NCOA2: variants seen among roughly 807,000 people sequenced by gnomAD.
NCOA2 encodes the protein class E basic helix-loop-helix protein 75.
A neutral mutation model predicts 145.1 loss-of-function variants in NCOA2; 21 were observed. The observed-to-expected ratio is 0.14, with a 90% CI of 0.10 to 0.21. NCOA2 has a LOEUF of 0.21. NCOA2 is among the 10% of genes least tolerant of loss of function. The pLI, the probability that NCOA2 is intolerant of heterozygous loss-of-function variation, is 1.00. For missense variants in NCOA2, 1,472 were observed against 1,837.6 expected (o/e 0.80, Z 3.64); for synonymous variants, 619 against 637.5 (o/e 0.97, Z 0.44).
intron 2 of NCOA2, among the ~76,000 whole-genome samples, chr8:70,265,495 G>GA (rs1824493846): frequency 6.6e-6 from 1 of 152,198 alleles, no homozygotes; most frequent in African/African-American, 2.4e-5. Flanking sequence ...CAGATTAAGT[G>GA]AATGACATAG....
intron 4 of NCOA2, among the ~76,000 whole-genome samples, chr8:70,208,966 A>G (rs1269795601): frequency 6.6e-6 from 1 of 152,262 alleles, no homozygotes; most frequent in African/African-American, 2.4e-5. Flanking sequence ...GTAAGGGTGT[A>G]TCTGCCACAG....
rs745812570 is a variant in NCOA2 at position 70,156,095 on chromosome 8, A to T, written c.2270T>A (p.Ile757Asn). Reference protein sequence around the residue: ...YLLDKDDTKDIGLPEITPKLE... With the variant: ...YLLDKDDTKDNGLPEITPKLE... ...TTTGGGGGTTATTTCTGGTAAACCA[A>T]TATCTTTAGTATCATCTTTATCTAG... The change falls in exon 11 of 23, where the codon ATT (isoleucine) becomes AAT (asparagine). Residue 757 changes from isoleucine to asparagine, a missense_variant. Physicochemically the swap from Ile to Asn is moderately radical, Grantham distance 149 (BLOSUM62 -3). Around this residue, in one of 4 missense-constraint regions of NCOA2, gnomAD observed 953 missense variants for 1,062.1 expected, o/e 0.90. Transcript: ENST00000452400. The T allele has an allele frequency of 6.2e-7, 1 of 1,613,964 alleles. No homozygotes were observed. The highest frequency in any genetic ancestry group is 1.7e-5 in the Admixed American group (1 of 60,016).
In NCOA2 at chr8:70,306,989, C is replaced by T. The variant is rs150665235; in HGVS notation, c.-76-10189G>A. Among the ~76,000 whole-genome samples the T allele has an allele frequency of 5.0e-3, 756 of 152,158 alleles. 2 individuals are homozygous for T. Among genetic ancestry groups the T allele is most frequent in the Non-Finnish European group, 8.8e-3 (597 of 67,978 alleles). On this transcript the variant is annotated intron_variant, in intron 1 of 22. Transcript: ENST00000452400. ...ATCCAGGTCGTTCTGAATTCAAGGC[C>T]TCCACTCTCCCAGGTTGCTTCTATT...
At chr8:70,336,294 C>T (rs529889736) in intron 1 of NCOA2, among the ~76,000 whole-genome samples, 2 of 152,232 alleles carry the variant, frequency 1.3e-5, no homozygotes, top group East Asian at 1.9e-4. Flanking sequence ...TATGATCTGT[C>T]GCTGACTGAA....
In NCOA2 at chr8:70,395,042, A is replaced by G. The variant is rs1813530609; in HGVS notation, c.-77+8658T>C. Among the ~76,000 whole-genome samples the G allele has an allele frequency of 2.6e-5, 4 of 152,228 alleles. No individual in the cohort carries two copies. The South Asian group carries it at 8.3e-4, about 32-fold the overall frequency. ...GGGAAACTGTAGATCATGATCAGAC[A>G]TGATCTACATACATGAAATCCTTAA... is the stretch of plus-strand genomic sequence containing the variant. On this transcript the variant is annotated intron_variant, in intron 1 of 22. Transcript: ENST00000452400.
the NCOA2 span, among the ~76,000 whole-genome samples, chr8:70,410,799 C>T: frequency 1.3e-5 from 2 of 152,146 alleles, no homozygotes; most frequent in Non-Finnish European, 2.9e-5. Flanking sequence ...CAAAAGTAGT[C>T]GTACGGGTGC....
intron 4 of NCOA2, among the ~76,000 whole-genome samples, chr8:70,178,886 C>G (rs1815161004): frequency 6.6e-6 from 1 of 152,150 alleles, no homozygotes; most frequent in African/African-American, 2.4e-5. Context: ...ACTGGCGAAA[C>G]ATTGATCTAA....
intron 1 of NCOA2, among the ~76,000 whole-genome samples, chr8:70,339,197 G>T (rs1807901807): frequency 6.6e-6 from 1 of 152,090 alleles, no homozygotes; most frequent in African/African-American, 2.4e-5. Flanking sequence ...CATAGTCTCA[G>T]CCCGAAAGCT....
intron 1 of NCOA2, chr8:70,402,517 G>A (rs944218757): frequency 1.3e-5 from 2 of 152,282 alleles, no homozygotes; most frequent in African/African-American, 4.8e-5. Context: ...TCTCGGAAGA[G>A]GCGCCTCTGG....
chr8:70,456,066 C>T, the NCOA2 span, among the ~76,000 whole-genome samples: 1 of 148,200 alleles, frequency 6.7e-6, no homozygotes. Flanking sequence ...ACCATTGTAA[C>T]ATTGCGTAGC....
At chr8:70,449,884 A>G in the NCOA2 span, among the ~76,000 whole-genome samples, 1 of 152,256 alleles carries the variant, frequency 6.6e-6, no homozygotes, top group Admixed American at 6.5e-5. Flanking sequence ...GCAAGTACAA[A>G]TTAAGGGCTA....
At chr8:70,191,054 G>T (rs1165379933) in intron 4 of NCOA2, among the ~76,000 whole-genome samples, 1 of 151,994 alleles carries the variant, frequency 6.6e-6, no homozygotes, top group Non-Finnish European at 1.5e-5. Flanking sequence ...ATCTGATACT[G>T]CAGGTCTTTA....
chr8:70,226,168 T>C (rs1328560892), intron 2 of NCOA2, among the ~76,000 whole-genome samples: 1 of 152,150 alleles, frequency 6.6e-6, no homozygotes, highest in Non-Finnish European at 1.5e-5. Flanking sequence ...ATTATTTCAA[T>C]GGGCATTACG....
intron 1 of NCOA2, among the ~76,000 whole-genome samples, 179 bp downstream of exon 1, chr8:70,403,521 C>T (rs1408925863): frequency 2.7e-5 from 4 of 150,928 alleles, no homozygotes; most frequent in African/African-American, 9.7e-5. Context: ...GATGCAACTC[C>T]CGTTTTCCGC....
chr8:70,362,740 T>C (rs1025814937), intron 1 of NCOA2, among the ~76,000 whole-genome samples: 2 of 152,178 alleles, frequency 1.3e-5, no homozygotes, highest in Non-Finnish European at 2.9e-5. Flanking sequence ...GAAAACTATT[T>C]GGCAGTTTCT....
the NCOA2 span, among the ~76,000 whole-genome samples, chr8:70,441,064 AG>A: frequency 7.4e-6 from 1 of 134,864 alleles, no homozygotes; most frequent in African/African-American, 2.9e-5. Flanking sequence ...AAAGAGAGAA[AG>A]AAAGAAGAAA....
chr8:70,157,764 G>T (rs1812450416), intron 10 of NCOA2, among the ~76,000 whole-genome samples: 1 of 152,138 alleles, frequency 6.6e-6, no homozygotes, highest in African/African-American at 2.4e-5. Context: ...GCCAGTTCTA[G>T]AACTAATAGT....
At chr8:70,350,430 T>TA in intron 1 of NCOA2, among the ~76,000 whole-genome samples, 1 of 152,310 alleles carries the variant, frequency 6.6e-6, no homozygotes, top group East Asian at 1.9e-4. Flanking sequence ...ATTGACTACA[T>TA]ACACCTTCTT....
intron 4 of NCOA2, among the ~76,000 whole-genome samples, chr8:70,194,747 A>G (rs1416104721): frequency 1.3e-5 from 2 of 148,160 alleles, no homozygotes; most frequent in African/African-American, 2.5e-5. Context: ...ATCTTCTGAA[A>G]TAGGGATCTG....
Sources: allele counts gnomAD v4.1 joint callset (sites outside exome capture counted in the v4.1 genomes callset), GRCh38; gene constraint gnomAD v4.1.1; regional missense constraint gnomAD v4.1.1; transcripts MANE v1.5; gene names NCBI Gene and HGNC (gene_info 2026-07-23, HGNC 2026-07-21).